LHPP: variants seen among roughly 807,000 people sequenced by gnomAD.
LHPP encodes the protein hLHPP.
In LHPP, 24 loss-of-function variants were observed where a neutral mutation model predicts 30.3. That is an observed-to-expected ratio of 0.79 (90% CI 0.57 to 1.11). LHPP has a LOEUF of 1.11. Ranked by LOEUF, LHPP falls within the 50% of genes most tolerant of loss-of-function variation. The probability of loss-of-function intolerance (pLI) is 0.00; values close to 1 mark genes in which losing one functional copy is unlikely to be tolerated. For synonymous variants in LHPP, 150 were observed against 157.1 expected, an observed-to-expected ratio of 0.95 and a Z score of 0.34; for missense variants, 356 against 367.2, an observed-to-expected ratio of 0.97 and a Z score of 0.25.
intron 5 of LHPP, among the ~76,000 whole-genome samples, chr10:124,504,466 T>G (rs2133886379): frequency 6.9e-6 from 1 of 144,502 alleles, no homozygotes; most frequent in African/African-American, 2.5e-5. Flanking sequence ...CAGATGTGGT[T>G]GCATGTGCCT....
intron 6 of LHPP, among the ~76,000 whole-genome samples, chr10:124,573,526 G>A (rs1446928434): frequency 6.6e-6 from 1 of 152,200 alleles, no homozygotes; most frequent in East Asian, 1.9e-4. Context: ...GCCCAGGCTG[G>A]TCTTGAACTC....
At chr10:124,467,958 C>T (rs906547323) in intron 1 of LHPP, among the ~76,000 whole-genome samples, 1 of 152,154 alleles carries the variant, frequency 6.6e-6, no homozygotes, top group African/African-American at 2.4e-5. Flanking sequence ...GATCCACTCG[C>T]CTGGGCCTCC....
At chr10:124,480,300 C>A (rs2361616) in intron 1 of LHPP, among the ~76,000 whole-genome samples, 29,378 of 152,038 alleles carry the variant, frequency 0.19, 3,119 homozygotes, top group African/African-American at 0.27. Context: ...GGATAGATTT[C>A]GTCTCTAAAA....
At chr10:124,545,581 G>C (rs1336745247) in intron 6 of LHPP, among the ~76,000 whole-genome samples, 1 of 152,176 alleles carries the variant, frequency 6.6e-6, no homozygotes. Context: ...GCTGGCAGCT[G>C]CTCCCAGGTA....
chr10:124,489,925 AC>A (rs1953468744), intron 3 of LHPP: 1 of 133,468 alleles, frequency 7.5e-6, no homozygotes. Context: ...CACCAGGGGG[AC>A]AGCACTCCAT....
intron 6 of LHPP, among the ~76,000 whole-genome samples, chr10:124,580,196 T>C (rs1280053818): frequency 6.6e-6 from 1 of 152,234 alleles, no homozygotes; most frequent in African/African-American, 2.4e-5. Flanking sequence ...ACACATCTGC[T>C]CCCAGTCTGT....
intron 6 of LHPP, among the ~76,000 whole-genome samples, chr10:124,553,676 G>T (rs1451850933): frequency 1.3e-5 from 2 of 152,044 alleles, no homozygotes; most frequent in African/African-American, 4.8e-5. Context: ...AGCCAGGATG[G>T]TCTCGATCTC....
intron 6 of LHPP, among the ~76,000 whole-genome samples, chr10:124,611,131 G>A (rs183835614): frequency 1.2e-3 from 175 of 152,028 alleles, no homozygotes; most frequent in African/African-American, 4.0e-3. Context: ...CAGAGTGGCC[G>A]TGCTTGGGAC....
At chr10:124,581,766 T>TAC (rs758773902) in intron 6 of LHPP, among the ~76,000 whole-genome samples, 8 of 94,326 alleles carry the variant, frequency 8.5e-5, no homozygotes, top group East Asian at 4.7e-4. Context: ...CATATATGTA[T>TAC]ATACACACAC....
chr10:124,465,529 G>A (rs1375609549), intron 1 of LHPP, among the ~76,000 whole-genome samples: 3 of 152,200 alleles, frequency 2.0e-5, no homozygotes, highest in East Asian at 1.9e-4. Context: ...CAAAAACAAC[G>A]AACAAGCAGC....
intron 2 of LHPP, 79 bp from the exon 3 acceptor site, chr10:124,488,343 G>T (rs1277252811): frequency 1.6e-6 from 2 of 1,281,290 alleles, no homozygotes; most frequent in African/African-American, 3.0e-5. Flanking sequence ...CATGTGAAAG[G>T]TGTCCCTGGT....
At chr10:124,506,180 C>A (rs577612210) in intron 5 of LHPP, among the ~76,000 whole-genome samples, 1 of 151,862 alleles carries the variant, frequency 6.6e-6, no homozygotes, top group South Asian at 2.1e-4. Flanking sequence ...ATCTGGGAGG[C>A]AGGGGTTGCA....
chr10:124,573,887 C>T (rs1161740425), intron 6 of LHPP, among the ~76,000 whole-genome samples: 5 of 152,038 alleles, frequency 3.3e-5, no homozygotes, highest in Non-Finnish European at 7.4e-5. Context: ...CACTTGACAC[C>T]CAAACGCTGA....
chr10:124,536,645 AG>A (rs1955034867), intron 6 of LHPP, among the ~76,000 whole-genome samples: 2 of 152,218 alleles, frequency 1.3e-5, no homozygotes. Flanking sequence ...AGAGACAGGC[AG>A]GGCAGGGCTG....
intron 5 of LHPP, among the ~76,000 whole-genome samples, chr10:124,513,703 G>A (rs947909233): frequency 6.7e-6 from 1 of 150,210 alleles, no homozygotes; most frequent in Non-Finnish European, 1.5e-5. Context: ...TGATCCACCC[G>A]CCTCAGCCTC....
At chr10:124,537,310 G>T (rs1419375066) in intron 6 of LHPP, among the ~76,000 whole-genome samples, 1 of 152,194 alleles carries the variant, frequency 6.6e-6, no homozygotes, top group East Asian at 1.9e-4. Context: ...TGAGCTGTTG[G>T]GGGTGTCAGG....
chr10:124,489,618 T>G (rs555205890), intron 3 of LHPP, among the ~76,000 whole-genome samples: 45 of 152,180 alleles, frequency 3.0e-4, no homozygotes, highest in Non-Finnish European at 5.9e-4. Context: ...CCATCCCAGC[T>G]AATTTTTATA....
intron 6 of LHPP, among the ~76,000 whole-genome samples, chr10:124,532,247 C>G (rs540600140): frequency 6.6e-6 from 1 of 152,242 alleles, no homozygotes; most frequent in Non-Finnish European, 1.5e-5. Flanking sequence ...CCAGTTCCTT[C>G]CAGTGGAGGG....
At chr10:124,603,104 A>G (rs747271487) in intron 6 of LHPP, among the ~76,000 whole-genome samples, 4 of 152,136 alleles carry the variant, frequency 2.6e-5, no homozygotes, top group Non-Finnish European at 5.9e-5. Flanking sequence ...GCCCCTCACC[A>G]TTGCCCTGGC....
Sources: allele counts gnomAD v4.1 joint callset (sites outside exome capture counted in the v4.1 genomes callset), GRCh38; gene constraint gnomAD v4.1.1; transcripts MANE v1.5; gene names NCBI Gene and HGNC (gene_info 2026-07-23, HGNC 2026-07-21).